The following SH3RF1 variants were observed in gnomAD, a reference collection of about 807,000 sequenced individuals.
SH3RF1 encodes E3 ubiquitin-protein ligase SH3RF1.
Under a neutral mutation model 74.0 loss-of-function variants are expected in SH3RF1, and 32 were observed. The observed-to-expected ratio is 0.43, with a 90% CI of 0.33 to 0.58. SH3RF1 has a LOEUF of 0.58. SH3RF1 is among the 20% of genes least tolerant of loss of function. The pLI, the probability that SH3RF1 is intolerant of heterozygous loss-of-function variation, is 0.05. For synonymous variants in SH3RF1, 396 were observed against 439.6 expected (o/e 0.90, Z 1.24); for missense variants, 954 against 1,130.9 (o/e 0.84, Z 2.24).
intron 2 of SH3RF1, among the ~76,000 whole-genome samples, chr4:169,176,280 C>T (rs527512052): frequency 7.9e-4 from 121 of 152,210 alleles, no homozygotes; most frequent in African/African-American, 2.7e-3. Context: ...TGTCATGTGC[C>T]CCCCAAGCTC....
chr4:169,122,365 C>G (rs1177828968), intron 6 of SH3RF1, 99 bp from the exon 7 acceptor site: 21 of 1,355,390 alleles, frequency 1.5e-5, no homozygotes, highest in Non-Finnish European at 1.9e-5. Context: ...ATTATAAATC[C>G]ATAGAACAAG....
intron 2 of SH3RF1, among the ~76,000 whole-genome samples, chr4:169,257,117 A>C (rs1731204157): frequency 6.6e-6 from 1 of 152,226 alleles, no homozygotes; most frequent in South Asian, 2.1e-4. Context: ...CCCAAGAGCC[A>C]CACAGATAAC....
At chr4:169,139,705 T>C (rs1222676552) in intron 4 of SH3RF1, among the ~76,000 whole-genome samples, 5 of 152,182 alleles carry the variant, frequency 3.3e-5, no homozygotes, top group African/African-American at 9.7e-5. Flanking sequence ...GAAAAATTTA[T>C]GCAGAATCAT....
intron 2 of SH3RF1, among the ~76,000 whole-genome samples, chr4:169,191,420 C>A (rs558447968): frequency 3.7e-4 from 57 of 152,176 alleles, no homozygotes; most frequent in African/African-American, 1.3e-3. Context: ...GAAACACATC[C>A]CATGCTCATG....
chr4:169,218,453 T>C (rs1425497052), intron 2 of SH3RF1, among the ~76,000 whole-genome samples: 4 of 145,096 alleles, frequency 2.8e-5, no homozygotes, highest in Non-Finnish European at 4.5e-5. Context: ...ATACATGTTA[T>C]ATAATATATA....
rs1732937774 is a variant in SH3RF1, at chr4:169,096,690, A to T, written c.2499-3T>A. On this transcript the variant is annotated splice_polypyrimidine_tract_variant and splice_region_variant and intron_variant, in intron 11 of 11. Coordinates refer to ENST00000284637, the MANE Select transcript of SH3RF1 (RefSeq NM_020870.4). ...GATAGGAAACCACCACCCTGTGCCT[A>T]GAAAAGAAAGAGATTTTGGTTAAGG... The T allele has an allele frequency of 6.2e-6, 10 of 1,603,116 alleles. No homozygotes were observed. The highest frequency in any genetic ancestry group is 7.6e-6 in the Non-Finnish European group (9 of 1,176,548).
chr4:169,145,447 C>T lies in SH3RF1; in HGVS notation c.766-8827G>A, dbSNP rs80282342. The stretch of plus-strand genomic sequence containing the variant: ...GAGGCAGGTGAAGGTTGAAAATTTA[C>T]CTATTGGGTACGATGTTCACCATGT... On this transcript the variant is annotated intron_variant, in intron 4 of 11. Transcript: ENST00000284637. Among the ~76,000 whole-genome samples, 1,360 of 140,806 alleles carry T rather than the reference C, an allele frequency of 9.7e-3. 18 individuals carry two copies. The highest frequency in any genetic ancestry group is 0.033 in the African/African-American group (1,275 of 38,960). 92.4% of individuals were successfully genotyped at this position (140,806 alleles called of 152,430 possible). A position where few individuals can be genotyped will look rare whatever the true frequency, so the allele number is the denominator to read the frequency against.
At chr4:169,219,521 A>C (rs1730526853) in intron 2 of SH3RF1, among the ~76,000 whole-genome samples, 2 of 152,194 alleles carry the variant, frequency 1.3e-5, no homozygotes, top group Non-Finnish European at 2.9e-5. Flanking sequence ...CTTACAAAAA[A>C]AACCAAAAAC....
chr4:169,185,208 T>C (rs1193237602), intron 2 of SH3RF1, among the ~76,000 whole-genome samples: 4 of 152,108 alleles, frequency 2.6e-5, no homozygotes, highest in Non-Finnish European at 5.9e-5. Context: ...ACATTGAGGA[T>C]AAAATGAATG....
intron 2 of SH3RF1, among the ~76,000 whole-genome samples, chr4:169,253,734 C>G (rs1203885010): frequency 6.6e-6 from 1 of 152,120 alleles, no homozygotes; most frequent in Admixed American, 6.5e-5. Context: ...TAACATTTTG[C>G]ATTCTAAAAG....
chr4:169,152,753 A>G (rs1429799918), intron 4 of SH3RF1, among the ~76,000 whole-genome samples: 2 of 152,116 alleles, frequency 1.3e-5, no homozygotes, highest in African/African-American at 2.4e-5. Context: ...ATAAAAAAGG[A>G]GATTTGTTTG....
At position 169,096,623 on chromosome 4, in the gene SH3RF1, T is replaced by C. The variant is rs1401759457; in HGVS notation, c.2563A>G (p.Ile855Val). 3 of 1,614,126 alleles carry C rather than the reference T, an allele frequency of 1.9e-6. No individual in the cohort carries two copies. The highest frequency in any genetic ancestry group is 2.2e-5 in the South Asian group (2 of 91,086). Reference protein sequence around the residue: ...EAELELKEGDIVFVHKKREDG... With the variant: ...EAELELKEGDVVFVHKKREDG... ...TCTCGTTTTTTATGAACAAACACAA[T>C]ATCTCCTTCTTTAAGTTCAAGTTCT... The change falls in exon 12 of 12, where the codon ATT (isoleucine) becomes GTT (valine). Residue 855 changes from isoleucine to valine, a missense_variant. Transcript: ENST00000284637.
intron 2 of SH3RF1, among the ~76,000 whole-genome samples, chr4:169,193,161 A>C (rs1734757111): frequency 6.6e-6 from 1 of 151,798 alleles, no homozygotes; most frequent in Non-Finnish European, 1.5e-5. Flanking sequence ...AGTGAGGGAT[A>C]ATAGACCACA....
chr4:169,129,345 C>T (rs529880288), intron 6 of SH3RF1, among the ~76,000 whole-genome samples: 1 of 152,216 alleles, frequency 6.6e-6, no homozygotes, highest in South Asian at 2.1e-4. Context: ...TTCTCTACTA[C>T]CGAAGGTTGC....
At chr4:169,190,132 CA>C (rs1184189423) in intron 2 of SH3RF1, among the ~76,000 whole-genome samples, 1 of 152,010 alleles carries the variant, frequency 6.6e-6, no homozygotes, top group African/African-American at 2.4e-5. Flanking sequence ...TCTGAAACAG[CA>C]CAGACATTCT....
At chr4:169,136,831 TA>T (rs1733711449) in intron 4 of SH3RF1, among the ~76,000 whole-genome samples, 1 of 152,202 alleles carries the variant, frequency 6.6e-6, no homozygotes, top group Non-Finnish European at 1.5e-5. Context: ...AAATCAAGAA[TA>T]AACAATTCCA....
At chr4:169,143,405 C>A (rs554414193) in intron 4 of SH3RF1, among the ~76,000 whole-genome samples, 1 of 152,100 alleles carries the variant, frequency 6.6e-6, no homozygotes, top group Non-Finnish European at 1.5e-5. Context: ...TCAGTTTGGA[C>A]GAGTCTCGCT....
chr4:169,156,435 TC>T lies in SH3RF1; in HGVS notation c.637del (p.Glu213LysfsTer15). The T allele has an allele frequency of 6.3e-7, 1 of 1,599,516 alleles. No individual in the cohort carries two copies. The highest frequency in any genetic ancestry group is 8.5e-7 in the Non-Finnish European group (1 of 1,169,806). ...AAATGGAAGGCAATCTTTGTCTGCT[TC>T]CTTGTCTTTCACTTCAAAGTCATAA... is the stretch of plus-strand genomic sequence containing the variant. ...ALYDFEVKDKEADKDCLPFAK... is the reference protein window; with the variant it reads ...ALYDFEVKDKXADKDCLPFAK... On this transcript the variant is annotated frameshift_variant, in exon 3 of 12. Transcript: ENST00000284637. LOFTEE classifies it high-confidence loss of function.
intron 4 of SH3RF1, among the ~76,000 whole-genome samples, chr4:169,146,091 ATTCTATATAAAATG>A (rs1733882344): frequency 7.8e-6 from 1 of 127,622 alleles, no homozygotes; most frequent in African/African-American, 3.1e-5. Context: ...TATTCTATAT[ATTCTATATAAAATG>A]TTATATATTC....
Sources: gnomAD v4.1 joint callset for allele counts (sites outside exome capture counted in the v4.1 genomes callset) on GRCh38, gnomAD v4.1.1 for gene constraint, MANE v1.5 for transcripts, NCBI Gene and HGNC (gene_info 2026-07-23, HGNC 2026-07-21) for gene names.